NUMA1: variants seen among roughly 807,000 people sequenced by gnomAD.
NUMA1 encodes SP-H antigen.
A neutral mutation model predicts 237.1 loss-of-function variants in NUMA1; 62 were observed. The observed-to-expected ratio is 0.26, with a 90% confidence interval of 0.21 to 0.32. The LOEUF (loss-of-function observed/expected upper bound fraction) is 0.32. Among genes scored for constraint, NUMA1 ranks in the 10% least tolerant of loss-of-function variants. NUMA1 has a pLI of 1.00. For synonymous variants in NUMA1, 1,028 were observed against 1,066.1 expected (o/e 0.96, Z 0.70); for missense variants, 2,533 against 2,666.5 (o/e 0.95, Z 1.10).
chr11:72,044,173 G>T (rs960194214), intron 2 of NUMA1, among the ~76,000 whole-genome samples: 6 of 151,768 alleles, frequency 4.0e-5, no homozygotes, highest in Non-Finnish European at 5.9e-5. Flanking sequence ...AATGGCAGAA[G>T]TCTCTACCAC....
intron 1 of NUMA1, among the ~76,000 whole-genome samples, chr11:72,078,637 C>A (rs1943830588): frequency 6.6e-6 from 1 of 152,254 alleles, no homozygotes; most frequent in Admixed American, 6.5e-5. Flanking sequence ...GAATGTACCG[C>A]TTTTCGCTGT....
At chr11:72,025,519 A>C (rs1471195029) in intron 4 of NUMA1, among the ~76,000 whole-genome samples, 2 of 152,186 alleles carry the variant, frequency 1.3e-5, no homozygotes, top group African/African-American at 4.8e-5. Flanking sequence ...AGCTAACTGC[A>C]GTTCCATTTT....
chr11:72,033,278 A>T (rs1940568416), intron 3 of NUMA1, among the ~76,000 whole-genome samples: 1 of 151,984 alleles, frequency 6.6e-6, no homozygotes, highest in South Asian at 2.1e-4. Context: ...CTCCCATCTC[A>T]GCTTCCCAAG....
At chr11:72,075,939 G>GATCTGT (rs1943685193) in intron 1 of NUMA1, among the ~76,000 whole-genome samples, 1 of 152,128 alleles carries the variant, frequency 6.6e-6, no homozygotes, top group Non-Finnish European at 1.5e-5. Context: ...GTCCACAAAA[G>GATCTGT]GCACTGAGAT....
chr11:72,047,729 C>G (rs1223296475), intron 2 of NUMA1: 1 of 152,102 alleles, frequency 6.6e-6, no homozygotes, highest in Non-Finnish European at 1.5e-5. Context: ...GGGACAGGCT[C>G]TGGATTAGCT....
Position 72,013,783 on chromosome 11 carries a change from C to T in NUMA1, c.3720G>A (p.Gln1240=), listed in dbSNP as rs749875347. Residue 1240 remains glutamine (Q), a synonymous_variant, in exon 15 of 27, where the codon CAG becomes CAA. Coordinates refer to ENST00000393695, the MANE Select transcript of NUMA1 (RefSeq NM_006185.4). The surrounding 1 kb of genome is among the most constrained non-coding windows in gnomAD (Gnocchi z 6.8). ...TGCTCTCCCCCTCCTTCTCCAGGAC[C>T]TGGCGATTCAGGATGGACACCTCCT... ...LEEEVSILNR[Q]VLEKEGESKE... 1 of 1,610,186 alleles carries T rather than the reference C, an allele frequency of 6.2e-7. No individual in the cohort carries two copies. The highest frequency in any genetic ancestry group is 1.7e-5 in the Admixed American group (1 of 60,032).
chr11:72,049,560 A>AATAATATATATATATAT lies in NUMA1; in HGVS notation c.-32-13586_-32-13585insATATATATATATATTAT, dbSNP rs1555034473. The AATAATATATATATATAT allele has an allele frequency of 1.9e-3, 79 of 41,008 alleles. 1 individual carries two copies. Among genetic ancestry groups the AATAATATATATATATAT allele is most frequent in the African/African-American group, 6.4e-3 (76 of 11,830 alleles). 2.5% of individuals were successfully genotyped at this position (41,008 alleles called of 1,614,324 possible). On this transcript the variant is annotated intron_variant, in intron 2 of 26. Coordinates refer to ENST00000393695, the MANE Select transcript of NUMA1 (RefSeq NM_006185.4). Reference sequence around the variant, plus strand: ...CCTGTCTAAAAAAAAAAATAATAATAATATATATATATATATATATATAGT... The same window carrying AATAATATATATATATAT: ...CCTGTCTAAAAAAAAAAATAATAATAATAATATATATATATATATATATATATATATATATATATAGT...
At chr11:72,049,583 A>ATATATATATAGT (rs71052844) in intron 2 of NUMA1, 1 of 22,556 alleles carries the variant, frequency 4.4e-5, no homozygotes, top group African/African-American at 1.0e-4. Context: ...ATATATATAT[A>ATATATATATAGT]GTGTGTGTGT....
intron 2 of NUMA1, among the ~76,000 whole-genome samples, chr11:72,038,334 G>A (rs1204625752): frequency 6.6e-6 from 1 of 152,208 alleles, no homozygotes; most frequent in Non-Finnish European, 1.5e-5. Context: ...TCAAGAAAAT[G>A]AGTGTCAAGG....
intron 6 of NUMA1, among the ~76,000 whole-genome samples, chr11:72,022,835 T>C (rs763172386): frequency 1.5e-4 from 23 of 152,086 alleles, no homozygotes; most frequent in African/African-American, 4.1e-4. Context: ...TAGTAAACCA[T>C]TGTTTGTTTC....
rs768624853 is a variant in NUMA1, at chr11:72,012,913, C to T, written c.4590G>A (p.Arg1530=). The change falls in exon 15 of 27, where the codon AGG becomes AGA. Residue 1530 remains arginine, a synonymous_variant. Coordinates refer to ENST00000393695, the MANE Select transcript of NUMA1 (RefSeq NM_006185.4). ...ACCTTACCTGGGCAGTGAGTTTCTG[C>T]CTCTCTTCCTGGAACCGCTGCCTCT... ...LEERQRFQEE[R]QKLTAQVEQL... The T allele has an allele frequency of 2.5e-6, 4 of 1,613,956 alleles. No individual in the cohort carries two copies. Among genetic ancestry groups the T allele is most frequent in the Non-Finnish European group, 3.4e-6 (4 of 1,179,918 alleles).
intron 5 of NUMA1, 35 bp downstream of exon 5, chr11:72,024,239 C>A: frequency 6.3e-7 from 1 of 1,597,942 alleles, no homozygotes. Flanking sequence ...GCTGAGGAAG[C>A]AGCTTCTTCA....
In NUMA1 at chr11:72,075,078, T is replaced by C. The variant is rs1304623616; in HGVS notation, c.-102-5167A>G. The stretch of plus-strand genomic sequence containing the variant: ...ATAAATAAATAAAATAAAAATAATA[T>C]ACAATACAAAAAACAGACCAGATAA... On this transcript the variant is annotated intron_variant, in intron 1 of 26. Coordinates refer to ENST00000393695, the MANE Select transcript of NUMA1 (RefSeq NM_006185.4). 6.6e-5 allele frequency among the ~76,000 whole-genome samples: 10 copies of C among 150,400 alleles called. No individual in the cohort carries two copies. In the South Asian group the frequency reaches 1.7e-3, roughly 25 times the overall value.
chr11:72,035,405 C>T (rs1427025274), intron 3 of NUMA1, among the ~76,000 whole-genome samples: 2 of 151,578 alleles, frequency 1.3e-5, no homozygotes, highest in Non-Finnish European at 2.9e-5. Flanking sequence ...TACCACCCCC[C>T]CTTTTTTTTT....
In NUMA1 at chr11:72,009,400, G is replaced by T; in HGVS notation, c.4720-13C>A. ...GAGCCTGGACAGCCTGAGAAGAAAG[G>T]CCACTCAGGAAAGCTGGTCTGGCCG... On this transcript the variant is annotated splice_polypyrimidine_tract_variant and intron_variant, in intron 17 of 26. Transcript: ENST00000393695. 3 of 1,593,772 alleles carry T rather than the reference G, an allele frequency of 1.9e-6. No individual in the cohort carries two copies. The highest frequency in any genetic ancestry group is 2.6e-6 in the Non-Finnish European group (3 of 1,174,266).
intron 16 of NUMA1, among the ~76,000 whole-genome samples, chr11:72,011,999 C>A (rs1182846216): frequency 6.6e-6 from 1 of 152,174 alleles, no homozygotes; most frequent in Non-Finnish European, 1.5e-5. Context: ...GAAAAAGGGA[C>A]ACCATGTTAA....
At chr11:72,038,915 C>T (rs940226566) in intron 2 of NUMA1, among the ~76,000 whole-genome samples, 1 of 152,056 alleles carries the variant, frequency 6.6e-6, no homozygotes, top group Non-Finnish European at 1.5e-5. Flanking sequence ...GAGGCCTCAC[C>T]GAGCTGGTAA....
intron 4 of NUMA1, among the ~76,000 whole-genome samples, chr11:72,025,261 G>A (rs1590956039): frequency 6.6e-6 from 1 of 152,242 alleles, no homozygotes; most frequent in East Asian, 1.9e-4. Context: ...TGTGAAGAGA[G>A]CCATGAGGAG....
At chr11:72,007,872 C>G (rs1387063395) in intron 20 of NUMA1, 2 of 349,270 alleles carry the variant, frequency 5.7e-6, no homozygotes, top group Non-Finnish European at 1.1e-5. Context: ...AGCTCCTAAC[C>G]ACACCCCACT....
Sources: allele counts gnomAD v4.1 joint callset (sites outside exome capture counted in the v4.1 genomes callset), GRCh38; gene constraint gnomAD v4.1.1; non-coding constraint Gnocchi (gnomAD v3.1); transcripts MANE v1.5; gene names NCBI Gene and HGNC (gene_info 2026-07-23, HGNC 2026-07-21).